The following RABGEF1 variants were observed in gnomAD, a reference collection of about 807,000 sequenced individuals.
RABGEF1 encodes the protein RAB guanine nucleotide exchange factor 1, also known as rab5 GDP/GTP exchange factor.
Under a neutral mutation model 57.3 loss-of-function variants are expected in RABGEF1, and 26 were observed. That is an observed-to-expected ratio of 0.45 (90% CI 0.33 to 0.63). RABGEF1 has a LOEUF of 0.63. Among genes scored for constraint, RABGEF1 ranks in the 20% least tolerant of loss-of-function variants. RABGEF1 has a pLI of 0.02. For missense variants in RABGEF1, 464 were observed against 607.6 expected (o/e 0.76, Z 2.48); for synonymous variants, 185 against 210.7 (o/e 0.88, Z 1.06).
intron 1 of RABGEF1, among the ~76,000 whole-genome samples, chr7:66,752,789 A>C (rs1228313096): frequency 6.6e-6 from 1 of 152,228 alleles, no homozygotes; most frequent in East Asian, 1.9e-4. Flanking sequence ...ATTGATGTAC[A>C]TTCAAGTCTG....
chr7:66,778,286 A>G (rs769194689), intron 3 of RABGEF1, among the ~76,000 whole-genome samples: 13 of 152,244 alleles, frequency 8.5e-5, no homozygotes, highest in African/African-American at 3.1e-4. Flanking sequence ...GCTTGGTAGC[A>G]GACAAAATAC....
chr7:66,792,634 T>C (rs1812991225), intron 4 of RABGEF1, among the ~76,000 whole-genome samples: 1 of 152,172 alleles, frequency 6.6e-6, no homozygotes, highest in Admixed American at 6.5e-5. Flanking sequence ...CTGTTTTCTA[T>C]AAAGAAATCC....
upstream of RABGEF1, among the ~76,000 whole-genome samples, chr7:66,738,296 G>C (rs900778461): frequency 1.1e-4 from 16 of 152,150 alleles, no homozygotes; most frequent in African/African-American, 3.4e-4. Flanking sequence ...TGGGATTACA[G>C]GCGTGAGCCA....
At chr7:66,755,864 C>A (rs539554865) in intron 1 of RABGEF1, 1 of 497,580 alleles carries the variant, frequency 2.0e-6, no homozygotes, top group East Asian at 3.3e-5. Flanking sequence ...ACATTGTATT[C>A]CAGGGAGTTG....
upstream of RABGEF1, chr7:66,740,192 C>G (rs1262123560): frequency 6.5e-6 from 1 of 152,786 alleles, no homozygotes. Context: ...AGGCTGGTCT[C>G]GAACTCCTGG....
At position 66,775,375 on chromosome 7, in the gene RABGEF1, A is replaced by G; in HGVS notation, c.328A>G (p.Arg110Gly). The G allele has an allele frequency of 1.2e-6, 2 of 1,613,886 alleles. No individual in the cohort carries two copies. Among genetic ancestry groups the G allele is most frequent in the Non-Finnish European group, 1.7e-6 (2 of 1,179,806 alleles). ...TVKKFFSASS[R>G]VGSKKEIQEA... ...GAAGAAATTCTTCAGTGCATCTTCC[A>G]GGGTCGGATCAAAGAAGGGTAATGT... The change falls in exon 3 of 9, where the codon AGG becomes GGG. Residue 110 changes from arginine to glycine, a missense_variant. By Grantham distance (125) the Arg-to-Gly change is moderately radical (BLOSUM62 -2). This residue lies in a region of RABGEF1 where 284 missense variants were observed against 389.9 expected (regional missense o/e 0.73). Transcript: ENST00000284957.
the RABGEF1 span, among the ~76,000 whole-genome samples, chr7:66,657,852 TAAGA>T: frequency 5.9e-5 from 9 of 151,640 alleles, no homozygotes; most frequent in African/African-American, 2.2e-4. Context: ...AAAATAAAAG[TAAGA>T]AAGATCTCAA....
chr7:66,729,329 C>T (rs1436562799), intron 2 of RABGEF1, among the ~76,000 whole-genome samples: 3 of 11,702 alleles, frequency 2.6e-4, no homozygotes, highest in Non-Finnish European at 3.6e-4. Flanking sequence ...TCATCTCCAT[C>T]CTCCCCTCTG....
At chr7:66,757,746 G>C (rs1803122581) in intron 1 of RABGEF1, among the ~76,000 whole-genome samples, 1 of 152,132 alleles carries the variant, frequency 6.6e-6, no homozygotes, top group Non-Finnish European at 1.5e-5. Flanking sequence ...TGAGTAGCTG[G>C]GACTACAGGC....
chr7:66,755,076 C>G (rs769628886), intron 1 of RABGEF1, among the ~76,000 whole-genome samples: 7 of 152,128 alleles, frequency 4.6e-5, no homozygotes, highest in African/African-American at 9.7e-5. Context: ...AGGCGGATCA[C>G]GAGGTCAGGA....
chr7:66,678,879 G>C (rs912923927), upstream of RABGEF1, among the ~76,000 whole-genome samples: 3 of 152,210 alleles, frequency 2.0e-5, no homozygotes, highest in African/African-American at 7.2e-5. Flanking sequence ...TACAGGTAAA[G>C]ATGGTAACCA....
Position 66,767,093 on chromosome 7 carries a change from C to T in RABGEF1, c.-17-4790C>T, listed in dbSNP as rs569329537. ...TCTTGGCTCACTGCAACCTCCATCT[C>T]CCCGGTTCATGCGATTCTTGTGTCT... On this transcript the variant is annotated intron_variant, in intron 1 of 8. Transcript: ENST00000284957. Among the ~76,000 whole-genome samples the T allele has an allele frequency of 3.3e-5, 5 of 151,020 alleles. No individual in the cohort carries two copies. In the South Asian group the frequency reaches 1.0e-3, roughly 32 times the overall value.
chr7:66,686,741 C>G (rs1790694949), intron 1 of RABGEF1, among the ~76,000 whole-genome samples: 1 of 152,046 alleles, frequency 6.6e-6, no homozygotes, highest in Non-Finnish European at 1.5e-5. Context: ...TTTCAAGTTT[C>G]CTGTGAAATT....
At chr7:66,701,162 A>C (rs2117252855) in intron 1 of RABGEF1, among the ~76,000 whole-genome samples, 1 of 152,288 alleles carries the variant, frequency 6.6e-6, no homozygotes, top group East Asian at 1.9e-4. Flanking sequence ...ACTGCCATCC[A>C]TAGCCTGGAA....
the RABGEF1 span, among the ~76,000 whole-genome samples, chr7:66,661,388 G>C: frequency 1.9e-4 from 28 of 150,692 alleles, no homozygotes; most frequent in Admixed American, 8.6e-4. Flanking sequence ...AGGTACACTA[G>C]CAAATTGAAT....
At chr7:66,736,600 G>T (rs1305590636), upstream of RABGEF1, among the ~76,000 whole-genome samples, 1 of 152,048 alleles carries the variant, frequency 6.6e-6, no homozygotes, top group Admixed American at 6.5e-5. Context: ...GGTTAGAATG[G>T]GTAGGACTTG....
At chr7:66,745,265 T>G (rs1216491330) in intron 1 of RABGEF1, among the ~76,000 whole-genome samples, 1 of 152,342 alleles carries the variant, frequency 6.6e-6, no homozygotes, top group South Asian at 2.1e-4. Flanking sequence ...TGTTTACTTA[T>G]GTGAGTCTTT....
At chr7:66,701,485 C>G (rs7782587) in intron 1 of RABGEF1, among the ~76,000 whole-genome samples, 1 of 148,756 alleles carries the variant, frequency 6.7e-6, no homozygotes, top group African/African-American at 2.5e-5. Context: ...GAGGACAGAG[C>G]GAGACTCTGA....
intron 2 of RABGEF1, among the ~76,000 whole-genome samples, chr7:66,716,724 T>C (rs991154196): frequency 1.6e-4 from 24 of 152,372 alleles, no homozygotes; most frequent in African/African-American, 5.0e-4. Context: ...TTCATTGTTA[T>C]TGTTGATGTA....
Sources: allele counts gnomAD v4.1 joint callset (sites outside exome capture counted in the v4.1 genomes callset), GRCh38; gene constraint gnomAD v4.1.1; regional missense constraint gnomAD v4.1.1; transcripts MANE v1.5; gene names NCBI Gene and HGNC (gene_info 2026-07-23, HGNC 2026-07-21).